The following FAM120AOS variants were observed in gnomAD, a reference collection of about 807,000 sequenced individuals.
FAM120AOS encodes uncharacterized protein FAM120AOS.
FAM120AOS carries 15 observed loss-of-function variants against 20.2 expected under a neutral mutation model. That is an observed-to-expected ratio of 0.74 (90% CI 0.50 to 1.15). FAM120AOS has a LOEUF of 1.15. FAM120AOS is among the 50% of genes most tolerant of loss of function. FAM120AOS has a pLI of 0.00. For missense variants in FAM120AOS, 327 were observed against 351.9 expected, an observed-to-expected ratio of 0.93 and a Z score of 0.57; for synonymous variants, 154 against 154.0, an observed-to-expected ratio of 1.00 and a Z score of 0.00.
Position 93,452,981 on chromosome 9 carries a change from CCT to C in FAM120AOS, c.-274_-273del. The C allele has an allele frequency of 1.5e-6, 2 of 1,332,118 alleles. No homozygotes were observed. Among genetic ancestry groups the C allele is most frequent in the East Asian group, 3.3e-5 (1 of 30,220 alleles). 82.5% of individuals were successfully genotyped at this position (1,332,118 alleles called of 1,614,324 possible). Reference sequence around the variant, plus strand: ...CAGAACGCAGTGCCCTGTCCGTGTTCCTCTTAGTACAGGGTGTTTAGAGAATC... The same window carrying C: ...CAGAACGCAGTGCCCTGTCCGTGTTCCTTAGTACAGGGTGTTTAGAGAATC... On this transcript the variant is annotated 5_prime_UTR_variant, in exon 1 of 3. Coordinates refer to ENST00000375412, the MANE Select transcript of FAM120AOS (RefSeq NM_198841.4). The surrounding 1 kb of genome is among the most constrained non-coding windows in gnomAD (Gnocchi z 7.0).
chr9:93,450,695 C>G (rs1480102615), intron 1 of FAM120AOS, 96 bp from the exon 2 acceptor site: 1 of 1,527,928 alleles, frequency 6.5e-7, no homozygotes, highest in East Asian at 2.4e-5. Flanking sequence ...TTCTGAAAGA[C>G]ATTAATCTCT....
Position 93,452,961 on chromosome 9 carries a change from C to G in FAM120AOS, c.-252G>C. The G allele has an allele frequency of 7.3e-7, 1 of 1,375,244 alleles. No homozygotes were observed. The highest frequency in any genetic ancestry group is 9.4e-7 in the Non-Finnish European group (1 of 1,068,556). 85.2% of individuals were successfully genotyped at this position (1,375,244 alleles called of 1,614,324 possible). On this transcript the variant is annotated 5_prime_UTR_variant, in exon 1 of 3. Coordinates refer to ENST00000375412, the MANE Select transcript of FAM120AOS (RefSeq NM_198841.4). The surrounding 1 kb of genome is among the most constrained non-coding windows in gnomAD (Gnocchi z 7.0). ...CAGTGCCCTGGCCTCTACTTCAGAA[C>G]GCAGTGCCCTGTCCGTGTTCCTCTT...
chr9:93,452,510 C>T lies in FAM120AOS; in HGVS notation c.200G>A (p.Arg67Lys), dbSNP rs1445666768. ...QPGPARLSRARAGGTRCPQRR... is the reference protein window; with the variant it reads ...QPGPARLSRAKAGGTRCPQRR... ...CTGGGGGCAGCGAGTTCCCCCAGCCCTTGCCCGGGATAGCCTGGCCGGGCC... is the reference window on the plus strand; with the variant it reads ...CTGGGGGCAGCGAGTTCCCCCAGCCTTTGCCCGGGATAGCCTGGCCGGGCC... The change falls in exon 1 of 3, where the codon AGG (arginine) becomes AAG (lysine). Residue 67 changes from arginine (R) to lysine (K), a missense_variant. By Grantham distance (26) the Arg-to-Lys change is conservative. Around this residue, in one of 3 missense-constraint regions of FAM120AOS, gnomAD observed 155 missense variants for 128.8 expected, o/e 1.20. Coordinates refer to ENST00000375412, the MANE Select transcript of FAM120AOS (RefSeq NM_198841.4). The surrounding 1 kb of genome is among the most constrained non-coding windows in gnomAD (Gnocchi z 7.0). 4.5e-6 allele frequency: 7 copies of T among 1,550,096 alleles called. No homozygotes were observed. Among genetic ancestry groups the T allele is most frequent in the Non-Finnish European group, 6.1e-6 (7 of 1,153,158 alleles).
intron 1 of FAM120AOS, chr9:93,451,708 G>A (rs1179217700): frequency 4.1e-6 from 4 of 980,248 alleles, no homozygotes; most frequent in African/African-American, 1.8e-5. Flanking sequence ...CGGCGGCAGC[G>A]GCGGCGGCGG....
rs1856813865 is a variant in FAM120AOS at position 93,445,421 on chromosome 9, TCTA to T, written c.*2187_*2189del. ...CTCTTAGTACCTAAGTTTGGTCCAT[TCTA>T]CTCTTTTTCATGACTTTGAATCTTG... On this transcript the variant is annotated 3_prime_UTR_variant, in exon 3 of 3. Transcript: ENST00000375412. Among the ~76,000 whole-genome samples, 1 of 152,100 alleles carries T rather than the reference TCTA, an allele frequency of 6.6e-6. No homozygotes were observed. Among genetic ancestry groups the T allele is most frequent in the Non-Finnish European group, 1.5e-5 (1 of 68,016 alleles).
chr9:93,452,823 C>G lies in FAM120AOS; in HGVS notation c.-114G>C, dbSNP rs908872529. 5 of 1,567,916 alleles carry G rather than the reference C, an allele frequency of 3.2e-6. No homozygotes were observed. The highest frequency in any genetic ancestry group is 4.3e-6 in the Non-Finnish European group (5 of 1,165,236). Reference sequence around the variant, plus strand: ...GTTCATCTTGGAAGCAGGCAGGATACAGAGTAATAGAGGGGGTTTCGCCAG... The same window carrying G: ...GTTCATCTTGGAAGCAGGCAGGATAGAGAGTAATAGAGGGGGTTTCGCCAG... On this transcript the variant is annotated 5_prime_UTR_variant, in exon 1 of 3. Coordinates refer to ENST00000375412, the MANE Select transcript of FAM120AOS (RefSeq NM_198841.4). The surrounding 1 kb of genome is among the most constrained non-coding windows in gnomAD (Gnocchi z 7.0).
intron 1 of FAM120AOS, 86 bp from the exon 2 acceptor site, chr9:93,450,685 T>A: frequency 6.5e-7 from 1 of 1,549,562 alleles, no homozygotes; most frequent in Admixed American, 1.9e-5. Context: ...TAAATTTATA[T>A]TCTGAAAGAC....
At chr9:93,449,095 A>G (rs1011308516) in intron 2 of FAM120AOS, among the ~76,000 whole-genome samples, 17 of 151,396 alleles carry the variant, frequency 1.1e-4, no homozygotes, top group Non-Finnish European at 2.5e-4. Flanking sequence ...ACAAAGCTAA[A>G]TAGGGCAACT....
intron 2 of FAM120AOS, 34 bp downstream of exon 2, chr9:93,450,445 G>T (rs1377406514): frequency 6.5e-7 from 1 of 1,537,332 alleles, no homozygotes; most frequent in Non-Finnish European, 8.7e-7. Context: ...TTTGAGGTGG[G>T]TATCAGAAAA....
chr9:93,451,562 G>C lies in FAM120AOS; in HGVS notation c.563+585C>G, dbSNP rs922876852. 4 of 984,260 alleles carry C rather than the reference G, an allele frequency of 4.1e-6. No homozygotes were observed. The African/African-American group carries it at 5.3e-5, about 13-fold the overall frequency. 61.0% of individuals were successfully genotyped at this position (984,260 alleles called of 1,614,324 possible). On this transcript the variant is annotated intron_variant, in intron 1 of 2. Coordinates refer to ENST00000375412, the MANE Select transcript of FAM120AOS (RefSeq NM_198841.4). ...GCCGCCTCCGGGAGCCCCGAGCCGC[G>C]TCCCGCCGGCGCCGCCTCTTCCGCC...
In FAM120AOS at chr9:93,445,580, GT is replaced by G. The variant is rs749645011; in HGVS notation, c.*2030del. ...TGGTTCTCCAACTTTCATAAAAATC[GT>G]TGTTTTTTTTTTTTTTTTTTTTTTT... is the stretch of plus-strand genomic sequence containing the variant. On this transcript the variant is annotated 3_prime_UTR_variant, in exon 3 of 3. Transcript: ENST00000375412. Among the ~76,000 whole-genome samples the G allele has an allele frequency of 1.9e-4, 20 of 106,376 alleles. No individual in the cohort carries two copies. Among genetic ancestry groups the G allele is most frequent in the African/African-American group, 6.7e-4 (19 of 28,200 alleles). The allele number at this position is 106,376 out of a possible 152,430, so 69.8% of individuals were successfully genotyped here. A position where few individuals can be genotyped will look rare whatever the true frequency, so the allele number is the denominator to read the frequency against.
Position 93,444,304 on chromosome 9 carries a change from T to C in FAM120AOS, c.*3307A>G, listed in dbSNP as rs1302683700. On this transcript the variant is annotated 3_prime_UTR_variant, in exon 3 of 3. Coordinates refer to ENST00000375412, the MANE Select transcript of FAM120AOS (RefSeq NM_198841.4). ...ATCCACCCGTCTTGGCCTCCCAAAGTGCTGGGATGACAGGCGTGAGCCACC... is the reference window on the plus strand; with the variant it reads ...ATCCACCCGTCTTGGCCTCCCAAAGCGCTGGGATGACAGGCGTGAGCCACC... Among the ~76,000 whole-genome samples, 2 of 152,064 alleles carry C rather than the reference T, an allele frequency of 1.3e-5. No homozygotes were observed. The highest frequency in any genetic ancestry group is 1.3e-4 in the Admixed American group (2 of 15,260).
In FAM120AOS at chr9:93,445,728, C is replaced by T. The variant is rs1475490510; in HGVS notation, c.*1883G>A. Among the ~76,000 whole-genome samples the T allele has an allele frequency of 1.3e-5, 2 of 151,772 alleles. No individual in the cohort carries two copies. The highest frequency in any genetic ancestry group is 4.8e-5 in the African/African-American group (2 of 41,314). ...ACCTCAGCCTCCTGAGAAGATGGGA[C>T]TACAGGTGCACACCTCACCTGGCTA... On this transcript the variant is annotated 3_prime_UTR_variant, in exon 3 of 3. Transcript: ENST00000375412.
In FAM120AOS at chr9:93,445,919, T is replaced by C. The variant is rs1053329313; in HGVS notation, c.*1692A>G. On this transcript the variant is annotated 3_prime_UTR_variant, in exon 3 of 3. Transcript: ENST00000375412. ...AGGCATGTTTTATATGATGGGCTGA[T>C]GTCTCATGAATAACTGTGCCAAAAT... Among the ~76,000 whole-genome samples the C allele has an allele frequency of 1.3e-5, 2 of 152,210 alleles. No homozygotes were observed. The highest frequency in any genetic ancestry group is 4.8e-5 in the African/African-American group (2 of 41,450).
At chr9:93,450,930 C>A in intron 1 of FAM120AOS, 1 of 1,266,882 alleles carries the variant, frequency 7.9e-7, no homozygotes, top group South Asian at 1.3e-5. Flanking sequence ...CAGGCTTTCC[C>A]ACGCTGCAAC....
rs980130328 is a variant in FAM120AOS, at chr9:93,446,839, C to G, written c.*772G>C. On this transcript the variant is annotated 3_prime_UTR_variant, in exon 3 of 3. Coordinates refer to ENST00000375412, the MANE Select transcript of FAM120AOS (RefSeq NM_198841.4). ...TGAACACGGTAAGAAAAAAACAAAC[C>G]AAGCAACAAAAACAAAAAGCAGGCA... 12 of 152,140 alleles carry G rather than the reference C, an allele frequency of 7.9e-5. No individual in the cohort carries two copies. The highest frequency in any genetic ancestry group is 2.9e-4 in the African/African-American group (12 of 41,428). 9.4% of individuals were successfully genotyped at this position (152,140 alleles called of 1,614,324 possible).
In FAM120AOS at chr9:93,448,219, C is replaced by T. The variant is rs147908862; in HGVS notation, c.685-522G>A. 1.9e-4 allele frequency: 29 copies of T among 154,090 alleles called. No individual in the cohort carries two copies. In the East Asian group the frequency reaches 3.8e-3, roughly 20 times the overall value. The allele number at this position is 154,090 out of a possible 1,614,324, so 9.5% of individuals were successfully genotyped here. On this transcript the variant is annotated intron_variant, in intron 2 of 2. Coordinates refer to ENST00000375412, the MANE Select transcript of FAM120AOS (RefSeq NM_198841.4). ...TATTAATTAATGATATTAGGCTGGG[C>T]GCGGTAGCTCATGCCTGTAATCCCT...
chr9:93,450,564 G>C lies in FAM120AOS; in HGVS notation c.599C>G (p.Ala200Gly), dbSNP rs1247167589. Residue 200 changes from alanine (A) to glycine (G), a missense_variant, in exon 2 of 3, where the codon GCT (alanine) becomes GGT (glycine). Transcript: ENST00000375412. ...GCTGGGCAGCAGCTGTCCGGCCACAGCCTGTCGGTTGCATCCTGCTCCTCT... is the reference window on the plus strand; with the variant it reads ...GCTGGGCAGCAGCTGTCCGGCCACACCCTGTCGGTTGCATCCTGCTCCTCT... Reference protein sequence around the residue: ...LCRGAGCNRQAVAGQLLPSTW... With the variant: ...LCRGAGCNRQGVAGQLLPSTW... 1.2e-6 allele frequency: 2 copies of C among 1,607,492 alleles called. No homozygotes were observed. Among genetic ancestry groups the C allele is most frequent in the East Asian group, 2.2e-5 (1 of 44,792 alleles).
chr9:93,447,789 G>T, intron 2 of FAM120AOS, 92 bp from the exon 3 acceptor site: 1 of 1,112,806 alleles, frequency 9.0e-7, no homozygotes, highest in Non-Finnish European at 1.3e-6. Context: ...ATTGATCTCT[G>T]TGGAGCTCTC....
Sources: gnomAD v4.1 joint callset for allele counts (sites outside exome capture counted in the v4.1 genomes callset) on GRCh38, gnomAD v4.1.1 for gene constraint, gnomAD v4.1.1 regional missense constraint, Gnocchi (gnomAD v3.1) non-coding constraint, MANE v1.5 for transcripts, NCBI Gene and HGNC (gene_info 2026-07-23, HGNC 2026-07-21) for gene names.